Variants in NAV1 observed in about 807,000 individuals in gnomAD.
The protein encoded by NAV1 is pore membrane and/or filament interacting like protein 3.
NAV1 carries 18 observed loss-of-function variants against 175.2 expected under a neutral mutation model. The ratio of observed to expected loss-of-function variants is 0.10; its 90% confidence interval spans 0.07 to 0.15. The LOEUF (loss-of-function observed/expected upper bound fraction) is 0.15. NAV1 is among the 10% of genes least tolerant of loss of function. The probability of loss-of-function intolerance (pLI) is 1.00; values close to 1 mark genes in which losing one functional copy is unlikely to be tolerated. For synonymous variants in NAV1, 897 were observed against 978.7 expected, an observed-to-expected ratio of 0.92 and a Z score of 1.56; for missense variants, 1,731 against 2,436.6, an observed-to-expected ratio of 0.71 and a Z score of 6.10.
chr1:201,549,580 G>A (rs949750481), intron 1 of NAV1, among the ~76,000 whole-genome samples: 2 of 152,000 alleles, frequency 1.3e-5, no homozygotes, highest in Admixed American at 6.5e-5. Context: ...TCTAAGGCTG[G>A]GATTTAATAA....
exon 30 of NAV1, chr1:201,824,377 G>A (rs1299975436): frequency 6.6e-6 from 1 of 151,958 alleles, no homozygotes; most frequent in African/African-American, 2.4e-5. Flanking sequence ...GTTCCCCAAA[G>A]GCCAAAGCCT....
chr1:201,733,967 T>C (rs1336365134), intron 3 of NAV1, among the ~76,000 whole-genome samples: 3 of 152,158 alleles, frequency 2.0e-5, no homozygotes, highest in Non-Finnish European at 4.4e-5. Flanking sequence ...AGGGTCTGTC[T>C]GGCTACTATG....
At chr1:201,704,700 G>C (rs1170226386) in intron 1 of NAV1, among the ~76,000 whole-genome samples, 1 of 152,212 alleles carries the variant, frequency 6.6e-6, no homozygotes, top group Non-Finnish European at 1.5e-5. Context: ...CCACTGTGGG[G>C]GTTTGCAAAG....
chr1:201,552,188 G>A (rs540964073), intron 1 of NAV1, among the ~76,000 whole-genome samples: 34 of 152,340 alleles, frequency 2.2e-4, no homozygotes, highest in African/African-American at 6.7e-4. Context: ...CCGAGTCAGG[G>A]CTGGCATGCT....
chr1:201,801,259 G>A (rs548264245), intron 15 of NAV1, among the ~76,000 whole-genome samples: 6 of 152,286 alleles, frequency 3.9e-5, no homozygotes, highest in South Asian at 4.1e-4. Context: ...CAGATCCTAC[G>A]ATCTTGTTTT....
chr1:201,539,298 C>T lies in NAV1; in HGVS notation c.-188C>T, dbSNP rs1251741771. 2.0e-5 allele frequency among the ~76,000 whole-genome samples: 3 copies of T among 151,926 alleles called. No homozygotes were observed. In the East Asian group the frequency reaches 5.8e-4, roughly 29 times the overall value. On this transcript the variant is annotated 5_prime_UTR_variant, in exon 1 of 34. Coordinates refer to the NAV1 transcript ENST00000685211. This position sits in a 1 kb window ranked among gnomAD's most constrained non-coding sequence, Gnocchi z 5.6. ...CTGCCCTTGGGGATGCGCGACTCTG[C>T]GCGGCTGCGGCGCGGACCCGGAGCC...
intron 2 of NAV1, among the ~76,000 whole-genome samples, chr1:201,638,415 T>C (rs575670773): frequency 6.6e-6 from 1 of 152,318 alleles, no homozygotes; most frequent in South Asian, 2.1e-4. Flanking sequence ...CAGTCCTAGA[T>C]CATGCAGACT....
At position 201,685,619 on chromosome 1, in the gene NAV1, C is replaced by T. The variant is rs369638081; in HGVS notation, c.758-27198C>T. On this transcript the variant is annotated intron_variant, in intron 1 of 29. Coordinates refer to ENST00000367296, the Ensembl canonical transcript of NAV1. ...CCGTTACCGCCTGTGGCAGAATCTT[C>T]GGTGACAGTCCCTGCCTGTCCCCCT... Among the ~76,000 whole-genome samples the T allele has an allele frequency of 5.3e-4, 80 of 152,322 alleles. No individual in the cohort carries two copies. The East Asian group carries it at 0.015, about 28-fold the overall frequency.
chr1:201,751,382 T>A (rs1407574978), intron 3 of NAV1, among the ~76,000 whole-genome samples: 1 of 152,216 alleles, frequency 6.6e-6, no homozygotes. Context: ...TGTCACTGAT[T>A]TGTTCCACGG....
At chr1:201,786,489 G>A (rs1006791903) in exon 9 of NAV1, 6 of 1,613,900 alleles carry the variant, frequency 3.7e-6, no homozygotes, top group Admixed American at 3.3e-5. Flanking sequence ...CCATTGGTGG[G>A]CTGCCTGAAT....
chr1:201,741,152 G>A (rs1673394994), intron 3 of NAV1, among the ~76,000 whole-genome samples: 1 of 152,136 alleles, frequency 6.6e-6, no homozygotes, highest in African/African-American at 2.4e-5. Flanking sequence ...TTACAACTGT[G>A]CACACAAAGG....
intron 3 of NAV1, among the ~76,000 whole-genome samples, chr1:201,742,349 A>T (rs1008298556): frequency 1.3e-5 from 2 of 152,212 alleles, no homozygotes; most frequent in African/African-American, 4.8e-5. Context: ...ATTGGCCCTC[A>T]GGTATCTCCA....
intron 1 of NAV1, among the ~76,000 whole-genome samples, chr1:201,706,218 T>C (rs1425629675): frequency 3.3e-5 from 5 of 151,898 alleles, no homozygotes; most frequent in African/African-American, 1.2e-4. Flanking sequence ...AGGAAAGATA[T>C]TTTTCTCTCT....
chr1:201,557,078 C>T (rs1666043136), intron 1 of NAV1, among the ~76,000 whole-genome samples: 1 of 150,932 alleles, frequency 6.6e-6, no homozygotes, highest in Non-Finnish European at 1.5e-5. Context: ...TACTGTTTCT[C>T]TTAGGAAGCC....
In NAV1 at chr1:201,718,484, G is replaced by A. The variant is rs1254013970; in HGVS notation, c.955G>A (p.Gly319Ser). 6.2e-7 allele frequency: 1 copy of A among 1,604,360 alleles called. No homozygotes were observed. Reference sequence around the variant, plus strand: ...CTCGTCCCCTCTGTCATGGCGCTATGGCCAGTCCAGTCCGCGGCTGCAGGC... The same window carrying A: ...CTCGTCCCCTCTGTCATGGCGCTATAGCCAGTCCAGTCCGCGGCTGCAGGC... The change falls in exon 3 of 30, where the codon GGC (glycine) becomes AGC (serine). Residue 319 changes from glycine to serine, a missense_variant. This residue lies in a region of NAV1 where 487 missense variants were observed against 581.3 expected (regional missense o/e 0.84). Coordinates refer to ENST00000367296, the Ensembl canonical transcript of NAV1. This position sits in a 1 kb window ranked among gnomAD's most constrained non-coding sequence, Gnocchi z 4.8.
chr1:201,781,293 T>G, exon 5 of NAV1: 1 of 1,610,064 alleles, frequency 6.2e-7, no homozygotes, highest in Non-Finnish European at 8.5e-7. Flanking sequence ...CAGCCCAGAG[T>G]GCCCTCAAAG....
upstream of NAV1, among the ~76,000 whole-genome samples, chr1:201,618,606 G>A (rs562195413): frequency 2.6e-5 from 4 of 152,202 alleles, no homozygotes; most frequent in South Asian, 8.3e-4. Context: ...ATATGCTCTC[G>A]GCGGGTGTGG....
chr1:201,757,138 A>G (rs1238715546), intron 3 of NAV1, among the ~76,000 whole-genome samples: 1 of 152,116 alleles, frequency 6.6e-6, no homozygotes, highest in Admixed American at 6.6e-5. Context: ...AACAATCCCC[A>G]TTAACTCTGC....
In NAV1 at chr1:201,762,436, C is replaced by A. The variant is rs541180620; in HGVS notation, c.1227-17985C>A. 1.7e-4 allele frequency among the ~76,000 whole-genome samples: 26 copies of A among 152,222 alleles called. No individual in the cohort carries two copies. The South Asian group carries it at 5.4e-3, about 32-fold the overall frequency. On this transcript the variant is annotated intron_variant, in intron 3 of 29. Transcript: ENST00000367296. ...CCACTGCCTGTTTTTGTATGGCCTG[C>A]AAGCTGAGAGTGGATTTCACATTTT...
Sources: gnomAD v4.1 joint callset for allele counts (sites outside exome capture counted in the v4.1 genomes callset) on GRCh38, gnomAD v4.1.1 for gene constraint, gnomAD v4.1.1 regional missense constraint, Gnocchi (gnomAD v3.1) non-coding constraint, MANE v1.5 for transcripts, NCBI Gene and HGNC (gene_info 2026-07-23, HGNC 2026-07-21) for gene names.